The following ZNF385D variants were observed in gnomAD, a reference collection of about 807,000 sequenced individuals.
ZNF385D encodes the protein zinc finger protein 659.
ZNF385D carries 15 observed loss-of-function variants against 35.8 expected under a neutral mutation model. The ratio of observed to expected loss-of-function variants is 0.42; its 90% CI spans 0.28 to 0.64. The LOEUF is 0.64. Among genes scored for constraint, ZNF385D ranks in the 30% least tolerant of loss-of-function variants. ZNF385D has a pLI of 0.23. For synonymous variants in ZNF385D, 212 were observed against 186.8 expected, an observed-to-expected ratio of 1.13 and a Z score of -1.10; for missense variants, 474 against 494.6, an observed-to-expected ratio of 0.96 and a Z score of 0.39.
chr3:21,575,528 C>CT (rs2063471958), intron 2 of ZNF385D, among the ~76,000 whole-genome samples: 1 of 152,140 alleles, frequency 6.6e-6, no homozygotes, highest in Admixed American at 6.5e-5. Context: ...ACCAAGCTCT[C>CT]TTTTACCTTT....
intron 3 of ZNF385D, chr3:21,978,322 C>G (rs568748442): frequency 1.3e-5 from 2 of 152,334 alleles, no homozygotes; most frequent in African/African-American, 4.8e-5. Flanking sequence ...TGCTGTCTAT[C>G]TGTTACTGGT....
At chr3:22,174,877 G>A (rs1694711450) in intron 2 of ZNF385D, among the ~76,000 whole-genome samples, 1 of 151,834 alleles carries the variant, frequency 6.6e-6, no homozygotes, top group Non-Finnish European at 1.5e-5. Flanking sequence ...ACAGATTTTG[G>A]CCATTTCTTT....
chr3:21,493,958 C>A (rs1160797708), intron 4 of ZNF385D, among the ~76,000 whole-genome samples: 1 of 152,038 alleles, frequency 6.6e-6, no homozygotes, highest in East Asian at 1.9e-4. Flanking sequence ...CATTTGACTG[C>A]AAGAAAAACA....
chr3:21,464,347 GAAAT>G (rs909230358), intron 4 of ZNF385D, among the ~76,000 whole-genome samples: 29 of 151,980 alleles, frequency 1.9e-4, no homozygotes, highest in African/African-American at 2.9e-4. Context: ...GTTCTAAATT[GAAAT>G]AAATAAATCT....
intron 3 of ZNF385D, among the ~76,000 whole-genome samples, chr3:21,844,259 G>C (rs923995405): frequency 6.6e-6 from 1 of 151,846 alleles, no homozygotes; most frequent in Non-Finnish European, 1.5e-5. Context: ...TTTTATTGTG[G>C]TTTTGTTTCA....
intron 1 of ZNF385D, among the ~76,000 whole-genome samples, chr3:21,669,986 A>G (rs2066513979): frequency 6.6e-6 from 1 of 152,180 alleles, no homozygotes; most frequent in African/African-American, 2.4e-5. Flanking sequence ...TCAGTCACAG[A>G]CATCCTGCCT....
rs34781505 is a variant in ZNF385D, at chr3:22,123,922, ATCTCTCTC to A, written c.325+44887_325+44894del. On this transcript the variant is annotated intron_variant, in intron 3 of 5. Coordinates refer to the ZNF385D transcript ENST00000494108. ...AAAACAAAAACTAGAGCTAGACTCC[ATCTCTCTC>A]TCTCTCTCTCTCTCTCTCTCTCTCT... Among the ~76,000 whole-genome samples, 753 of 80,212 alleles carry A rather than the reference ATCTCTCTC, an allele frequency of 9.4e-3. 6 individuals carry two copies. Among genetic ancestry groups the A allele is most frequent in the East Asian group, 0.038 (110 of 2,908 alleles). The allele number at this position is 80,212 out of a possible 152,430, so 52.6% of individuals were successfully genotyped here.
intron 3 of ZNF385D, among the ~76,000 whole-genome samples, chr3:21,990,900 T>G (rs1231353698): frequency 1.3e-5 from 2 of 152,194 alleles, no homozygotes; most frequent in Non-Finnish European, 2.9e-5. Flanking sequence ...TAACTCACAT[T>G]TAACAGGTTG....
rs534181353 is a variant in ZNF385D, at chr3:21,507,313, T to C, written c.439+3548A>G. ...GGTTCTCATTTACCAAAGTATGACA[T>C]GTTTAACATTTTTCAAAGGAATTAG... On this transcript the variant is annotated intron_variant, in intron 4 of 7. Transcript: ENST00000281523. Among the ~76,000 whole-genome samples, 171 of 152,268 alleles carry C rather than the reference T, an allele frequency of 1.1e-3. 1 individual carries two copies. Among genetic ancestry groups the C allele is most frequent in the African/African-American group, 4.0e-3 (168 of 41,584 alleles).
intron 3 of ZNF385D, among the ~76,000 whole-genome samples, chr3:21,954,960 T>G (rs1414783432): frequency 6.6e-6 from 1 of 152,138 alleles, no homozygotes; most frequent in Non-Finnish European, 1.5e-5. Context: ...TGTCTAGCCT[T>G]CGAAACACTT....
chr3:21,584,067 G>T (rs563638341), intron 2 of ZNF385D, among the ~76,000 whole-genome samples: 1 of 151,602 alleles, frequency 6.6e-6, no homozygotes, highest in African/African-American at 2.4e-5. Flanking sequence ...TCCACCTCCC[G>T]GGCTCAAGCT....
chr3:22,193,416 C>T lies in ZNF385D; in HGVS notation c.107-24381G>A, dbSNP rs1479760632. 2.6e-5 allele frequency among the ~76,000 whole-genome samples: 4 copies of T among 152,016 alleles called. No individual in the cohort carries two copies. In the East Asian group the frequency reaches 5.8e-4, roughly 22 times the overall value. On this transcript the variant is annotated intron_variant, in intron 2 of 5. Transcript: ENST00000494108. Reference sequence around the variant, plus strand: ...ATTAAAATCCTAACCTATTTACTCACTTATTTTCCCAAAACTTATTATATA... The same window carrying T: ...ATTAAAATCCTAACCTATTTACTCATTTATTTTCCCAAAACTTATTATATA...
chr3:21,423,839 A>C (rs886395655), intron 7 of ZNF385D, 124 bp downstream of exon 7: 1 of 811,528 alleles, frequency 1.2e-6, no homozygotes, highest in Non-Finnish European at 1.9e-6. Flanking sequence ...GATAAATCTG[A>C]ACTCAACTCA....
intron 3 of ZNF385D, among the ~76,000 whole-genome samples, chr3:21,889,157 G>A (rs976347252): frequency 1.3e-5 from 2 of 152,220 alleles, no homozygotes; most frequent in Non-Finnish European, 2.9e-5. Flanking sequence ...GCAACTAGCT[G>A]AGGCTGCTTG....
At chr3:21,890,551 G>T (rs906317904) in intron 3 of ZNF385D, among the ~76,000 whole-genome samples, 3 of 152,024 alleles carry the variant, frequency 2.0e-5, no homozygotes, top group African/African-American at 7.2e-5. Flanking sequence ...CCTGGGAGGC[G>T]GAGGTTGCAG....
At chr3:22,143,507 G>A (rs2125707582) in intron 3 of ZNF385D, among the ~76,000 whole-genome samples, 1 of 152,172 alleles carries the variant, frequency 6.6e-6, no homozygotes, top group Middle Eastern at 3.4e-3. Context: ...CATTTCCCAT[G>A]TATGCACTAG....
intron 3 of ZNF385D, among the ~76,000 whole-genome samples, chr3:21,550,204 GTTT>G (rs2125594234): frequency 6.6e-6 from 1 of 152,208 alleles, no homozygotes; most frequent in African/African-American, 2.4e-5. Flanking sequence ...ACCATTATTG[GTTT>G]TTGTTTTTCC....
intron 3 of ZNF385D, among the ~76,000 whole-genome samples, chr3:22,018,067 A>T (rs183401922): frequency 6.6e-6 from 1 of 151,922 alleles, no homozygotes. Flanking sequence ...TGAAAATAAT[A>T]ATTAATTATT....
rs868277747 is a variant in ZNF385D, at chr3:21,711,039, G to T, written c.22+39856C>A. Among the ~76,000 whole-genome samples the T allele has an allele frequency of 3.3e-3, 275 of 83,068 alleles. 2 individuals are homozygous for T. The highest frequency in any genetic ancestry group is 8.8e-3 in the East Asian group (22 of 2,488). The allele number at this position is 83,068 out of a possible 152,430, so 54.5% of individuals were successfully genotyped here. On this transcript the variant is annotated intron_variant, in intron 1 of 7. Coordinates refer to ENST00000281523, the MANE Select transcript of ZNF385D (RefSeq NM_024697.3). Reference sequence around the variant, plus strand: ...TCTTAATTTCCTTATCCCTCTAAAAGTTTTTTTTTTTTTTTTTTTTGAGAT... The same window carrying T: ...TCTTAATTTCCTTATCCCTCTAAAATTTTTTTTTTTTTTTTTTTTTGAGAT...
Sources: allele counts gnomAD v4.1 joint callset (sites outside exome capture counted in the v4.1 genomes callset), GRCh38; gene constraint gnomAD v4.1.1; transcripts MANE v1.5; gene names NCBI Gene and HGNC (gene_info 2026-07-23, HGNC 2026-07-21).